XKR6: variants seen among roughly 807,000 people sequenced by gnomAD.
XKR6 encodes XK related 6.
In XKR6, 22 loss-of-function variants were observed where a neutral mutation model predicts 56.7. The ratio of observed to expected loss-of-function variants is 0.39; its 90% CI spans 0.28 to 0.55. The LOEUF is 0.55. Ranked by LOEUF, XKR6 falls within the 20% of genes least tolerant of loss-of-function variation. The pLI, the probability that XKR6 is intolerant of heterozygous loss-of-function variation, is 0.66. For synonymous variants in XKR6, 524 were observed against 387.8 expected (o/e 1.35, Z -4.13); for missense variants, 852 against 889.0 (o/e 0.96, Z 0.53).
intron 1 of XKR6, among the ~76,000 whole-genome samples, chr8:11,044,331 T>C (rs75213790): frequency 6.6e-6 from 1 of 152,176 alleles, no homozygotes; most frequent in Non-Finnish European, 1.5e-5. Context: ...TGAATATTCA[T>C]AGCTCCTCCC....
intron 1 of XKR6, among the ~76,000 whole-genome samples, chr8:10,983,356 A>G (rs1287926561): frequency 6.6e-6 from 1 of 152,158 alleles, no homozygotes; most frequent in Non-Finnish European, 1.5e-5. Flanking sequence ...GACTGTGAAG[A>G]CCTTAAAGGA....
chr8:11,158,344 G>A (rs897769947), intron 1 of XKR6, among the ~76,000 whole-genome samples: 1 of 152,196 alleles, frequency 6.6e-6, no homozygotes, highest in African/African-American at 2.4e-5. Context: ...GGAAGACTGA[G>A]TGTACCAGAG....
chr8:11,196,080 G>T (rs1049291638), intron 1 of XKR6, among the ~76,000 whole-genome samples: 1 of 151,840 alleles, frequency 6.6e-6, no homozygotes, highest in Non-Finnish European at 1.5e-5. Flanking sequence ...ATCTATTAAT[G>T]TGTCTATAAT....
At chr8:10,958,255 T>C (rs1801956956) in intron 1 of XKR6, among the ~76,000 whole-genome samples, 2 of 152,264 alleles carry the variant, frequency 1.3e-5, no homozygotes, top group Non-Finnish European at 1.5e-5. Flanking sequence ...AGAAGGAACG[T>C]TCTCTGTGTG....
chr8:11,035,945 T>A (rs886789363), intron 1 of XKR6, among the ~76,000 whole-genome samples: 3 of 145,178 alleles, frequency 2.1e-5, no homozygotes, highest in Admixed American at 2.1e-4. Context: ...AAGTCTTTTT[T>A]TTTTTTTTTT....
intron 1 of XKR6, among the ~76,000 whole-genome samples, chr8:11,068,059 G>A (rs1407656319): frequency 6.6e-6 from 1 of 152,216 alleles, no homozygotes; most frequent in East Asian, 1.9e-4. Context: ...CCTGTCTCCA[G>A]GGCCGGCCTC....
chr8:11,054,706 G>C (rs1022723670), intron 1 of XKR6, among the ~76,000 whole-genome samples: 1 of 152,208 alleles, frequency 6.6e-6, no homozygotes, highest in Non-Finnish European at 1.5e-5. Flanking sequence ...GCCTATTCTT[G>C]CTGGTGGGTG....
chr8:10,952,982 G>T (rs113045186), intron 1 of XKR6, among the ~76,000 whole-genome samples: 1 of 151,976 alleles, frequency 6.6e-6, no homozygotes, highest in African/African-American at 2.4e-5. Flanking sequence ...TCTAGGCTGC[G>T]CGCTCCTTAT....
intron 1 of XKR6, chr8:11,063,189 C>A (rs1586494774): frequency 6.2e-6 from 1 of 162,328 alleles, no homozygotes; most frequent in African/African-American, 2.5e-5. Flanking sequence ...ATAAGTGAGA[C>A]CCCGTCTCTA....
intron 1 of XKR6, chr8:11,194,821 C>A: frequency 2.8e-6 from 1 of 358,018 alleles, no homozygotes; most frequent in Non-Finnish European, 5.1e-6. Context: ...TAAGCACCTG[C>A]CTGCTAGATT....
At position 10,907,636 on chromosome 8, in the gene XKR6, C is replaced by T. The variant is rs140825804; in HGVS notation, c.962-8720G>A. On this transcript the variant is annotated intron_variant, in intron 2 of 2. Coordinates refer to ENST00000416569, the MANE Select transcript of XKR6 (RefSeq NM_173683.4). ...ATTTGAATATAGGCTTGTCTGAATC[C>T]AAAACTCAGATTATTTTCTGAACCA... Among the ~76,000 whole-genome samples the T allele has an allele frequency of 7.1e-4, 108 of 152,278 alleles. 2 individuals carry two copies. Among genetic ancestry groups the T allele is most frequent in the African/African-American group, 2.5e-3 (103 of 41,554 alleles).
At chr8:11,104,882 A>C (rs1798619183) in intron 1 of XKR6, 1 of 152,230 alleles carries the variant, frequency 6.6e-6, no homozygotes, top group African/African-American at 2.4e-5. Context: ...GTGAGGTTTC[A>C]GTGCTTTTTC....
At chr8:10,993,568 C>T (rs1798042006) in intron 1 of XKR6, among the ~76,000 whole-genome samples, 1 of 152,228 alleles carries the variant, frequency 6.6e-6, no homozygotes, top group Non-Finnish European at 1.5e-5. Flanking sequence ...GCAGGTGGCC[C>T]TGCACCTGCG....
chr8:11,141,415 C>T (rs1348288147), intron 1 of XKR6, among the ~76,000 whole-genome samples: 1 of 152,186 alleles, frequency 6.6e-6, no homozygotes, highest in East Asian at 1.9e-4. Flanking sequence ...GCCTCACAAG[C>T]AGCCTTAACT....
At chr8:11,069,097 C>T (rs972695922) in intron 1 of XKR6, among the ~76,000 whole-genome samples, 20 of 152,070 alleles carry the variant, frequency 1.3e-4, no homozygotes, top group Admixed American at 3.3e-4. Context: ...GAGCTGAGAC[C>T]GATACCACAA....
intron 1 of XKR6, among the ~76,000 whole-genome samples, chr8:11,016,050 GC>G (rs1463502687): frequency 6.6e-6 from 1 of 152,090 alleles, no homozygotes; most frequent in Non-Finnish European, 1.5e-5. Flanking sequence ...GGCGATCCCT[GC>G]CCCCTTCCAC....
At chr8:11,011,600 C>G (rs564983793) in intron 1 of XKR6, among the ~76,000 whole-genome samples, 1 of 152,044 alleles carries the variant, frequency 6.6e-6, no homozygotes, top group Non-Finnish European at 1.5e-5. Flanking sequence ...TAATCTAACA[C>G]GAAAGAGACA....
At chr8:11,159,185 T>A (rs561376829) in intron 1 of XKR6, among the ~76,000 whole-genome samples, 1 of 152,232 alleles carries the variant, frequency 6.6e-6, no homozygotes, top group Admixed American at 6.5e-5. Context: ...CCACCATATA[T>A]TCCCAGAGGG....
intron 1 of XKR6, among the ~76,000 whole-genome samples, chr8:11,153,714 A>G (rs894023479): frequency 1.3e-5 from 2 of 152,214 alleles, no homozygotes; most frequent in Non-Finnish European, 2.9e-5. Flanking sequence ...TGACTTTTGA[A>G]TATCTCAGTA....
Sources: allele counts gnomAD v4.1 joint callset (sites outside exome capture counted in the v4.1 genomes callset), GRCh38; gene constraint gnomAD v4.1.1; transcripts MANE v1.5; gene names NCBI Gene and HGNC (gene_info 2026-07-23, HGNC 2026-07-21).